CCDC6: variants seen among roughly 807,000 people sequenced by gnomAD.
CCDC6 encodes the protein coiled-coil domain containing 6.
In CCDC6, 20 loss-of-function variants were observed where a neutral mutation model predicts 56.6. The observed-to-expected ratio is 0.35, with a 90% CI of 0.25 to 0.51. CCDC6 has a LOEUF of 0.51. Among genes scored for constraint, CCDC6 ranks in the 20% least tolerant of loss-of-function variants. CCDC6 has a pLI of 0.95. For synonymous variants in CCDC6, 241 were observed against 234.4 expected (o/e 1.03, Z -0.26); for missense variants, 367 against 601.1 (o/e 0.61, Z 4.07).
chr10:59,886,168 C>G (rs1226711629), intron 1 of CCDC6, among the ~76,000 whole-genome samples: 3 of 152,140 alleles, frequency 2.0e-5, no homozygotes, highest in Non-Finnish European at 4.4e-5. Context: ...ATGGAAAATA[C>G]TGCAGAGTAA....
intron 1 of CCDC6, among the ~76,000 whole-genome samples, chr10:59,864,380 C>T (rs1244398297): frequency 6.6e-6 from 1 of 152,158 alleles, no homozygotes; most frequent in African/African-American, 2.4e-5. Context: ...ATCATGCCCG[C>T]AAATCAGCAA....
intron 1 of CCDC6, among the ~76,000 whole-genome samples, chr10:59,880,944 C>T (rs996017155): frequency 1.3e-5 from 2 of 152,152 alleles, no homozygotes; most frequent in African/African-American, 4.8e-5. Flanking sequence ...CAGGAAGGAA[C>T]GATCAGTTCT....
At chr10:59,876,209 C>T (rs1332975143) in intron 1 of CCDC6, among the ~76,000 whole-genome samples, 4 of 151,464 alleles carry the variant, frequency 2.6e-5, no homozygotes, top group South Asian at 2.1e-4. Context: ...CTACCATGCC[C>T]GGCTAGTTTT....
intron 1 of CCDC6, among the ~76,000 whole-genome samples, chr10:59,861,657 G>A (rs1237122489): frequency 6.6e-6 from 1 of 152,094 alleles, no homozygotes; most frequent in African/African-American, 2.4e-5. Flanking sequence ...GAAATGACAG[G>A]AATTAAAAAA....
At chr10:59,855,170 A>G (rs2071071523) in intron 1 of CCDC6, among the ~76,000 whole-genome samples, 1 of 152,238 alleles carries the variant, frequency 6.6e-6, no homozygotes, top group African/African-American at 2.4e-5. Context: ...ATCAACCTTA[A>G]GAGTTTATTT....
chr10:59,810,379 A>G (rs540277540), intron 5 of CCDC6, among the ~76,000 whole-genome samples: 1 of 152,338 alleles, frequency 6.6e-6, no homozygotes, highest in Admixed American at 6.5e-5. Flanking sequence ...CTCTGTTAGT[A>G]TCTGCAGTCT....
intron 1 of CCDC6, among the ~76,000 whole-genome samples, chr10:59,883,566 A>T (rs2071362067): frequency 6.6e-6 from 1 of 152,240 alleles, no homozygotes; most frequent in South Asian, 2.1e-4. Context: ...GCACAGGCTG[A>T]TGACAGGGAA....
intron 1 of CCDC6, among the ~76,000 whole-genome samples, chr10:59,866,428 C>T (rs749684194): frequency 5.3e-5 from 8 of 152,184 alleles, no homozygotes; most frequent in Non-Finnish European, 8.8e-5. Context: ...AGCATCCAAA[C>T]ACCTGCTGAA....
intron 1 of CCDC6, among the ~76,000 whole-genome samples, chr10:59,877,535 C>T (rs1160624921): frequency 6.6e-6 from 1 of 152,146 alleles, no homozygotes; most frequent in Non-Finnish European, 1.5e-5. Context: ...TGGAAACCCG[C>T]ACCAGGTCAT....
intron 5 of CCDC6, among the ~76,000 whole-genome samples, chr10:59,808,441 T>C (rs993914189): frequency 1.3e-5 from 2 of 152,252 alleles, no homozygotes; most frequent in African/African-American, 4.8e-5. Flanking sequence ...CATTCCTTTC[T>C]GGTTTATCTC....
At position 59,803,318 on chromosome 10, in the gene CCDC6, TA is replaced by T. The variant is rs879719647; in HGVS notation, c.1105+1101del. Among the ~76,000 whole-genome samples the T allele has an allele frequency of 3.2e-3, 465 of 144,342 alleles. 1 individual carries two copies. Among genetic ancestry groups the T allele is most frequent in the Admixed American group, 3.2e-3 (46 of 14,402 alleles). 94.7% of individuals were successfully genotyped at this position (144,342 alleles called of 152,430 possible). ...ACTTTAACTTTTGATTGCCTCCTCT[TA>T]AAAAAAAAAAAAGTTAATGGCAGCA... On this transcript the variant is annotated intron_variant, in intron 7 of 8. Coordinates refer to ENST00000263102, the MANE Select transcript of CCDC6 (RefSeq NM_005436.5).
intron 3 of CCDC6, among the ~76,000 whole-genome samples, chr10:59,817,114 T>C (rs999811091): frequency 1.3e-5 from 2 of 152,230 alleles, no homozygotes; most frequent in Admixed American, 1.3e-4. Flanking sequence ...ATATGACTCC[T>C]ATTAAACCTT....
At chr10:59,863,935 G>A (rs934791797) in intron 1 of CCDC6, among the ~76,000 whole-genome samples, 4 of 152,044 alleles carry the variant, frequency 2.6e-5, no homozygotes, top group African/African-American at 9.7e-5. Context: ...CTAGCCCATC[G>A]TTCAAATATC....
rs1468491623 is a variant in CCDC6 at position 59,794,457 on chromosome 10, C to T, written c.1230+16G>A. The T allele has an allele frequency of 1.2e-6, 2 of 1,613,546 alleles. No homozygotes were observed. The highest frequency in any genetic ancestry group is 1.3e-5 in the African/African-American group (1 of 75,040). On this transcript the variant is annotated intron_variant, in intron 8 of 8. Coordinates refer to ENST00000263102, the MANE Select transcript of CCDC6 (RefSeq NM_005436.5). Reference sequence around the variant, plus strand: ...TTCAGGAGTAAAGTGCTGCTTCCTACCCCACGGACACTTACTGTGATACCA... The same window carrying T: ...TTCAGGAGTAAAGTGCTGCTTCCTATCCCACGGACACTTACTGTGATACCA...
Position 59,792,942 on chromosome 10 carries a change from G to A in CCDC6, c.1400C>T (p.Ser467Leu), listed in dbSNP as rs776658516. The change falls in exon 9 of 9, where the codon TCG (serine) becomes TTG (leucine). Residue 467 changes from serine (S) to leucine (L), a missense_variant. Physicochemically the swap from Ser to Leu is moderately radical, Grantham distance 145. Transcript: ENST00000263102. The stretch of plus-strand genomic sequence containing the variant: ...TTAAGGCTGGGAGGAGGGGTGCGCC[G>A]AATGTTGCGAAGGAGTAGGCTGCGA... ...ATSQPTPSQHSAHPSSQP is the reference protein window; with the variant it reads ...ATSQPTPSQHLAHPSSQP The A allele has an allele frequency of 2.4e-5, 38 of 1,610,442 alleles. No homozygotes were observed. Among genetic ancestry groups the A allele is most frequent in the Middle Eastern group, 1.7e-4 (1 of 6,046 alleles).
intron 4 of CCDC6, among the ~76,000 whole-genome samples, chr10:59,813,064 TAACAACAGGA>T (rs1451150991): frequency 6.6e-6 from 1 of 152,256 alleles, no homozygotes; most frequent in Non-Finnish European, 1.5e-5. Context: ...AGTCTTTATT[TAACAACAGGA>T]TCTGATAATT....
rs112186583 is a variant in CCDC6, at chr10:59,881,687, T to C, written c.303+24435A>G. Among the ~76,000 whole-genome samples the C allele has an allele frequency of 7.2e-5, 11 of 152,320 alleles. No homozygotes were observed. The East Asian group carries it at 1.3e-3, about 19-fold the overall frequency. ...CACACATGCTGATCAACAGGTAGTATGCATTTTGAAAACTTCGCTGAACAT... is the reference window on the plus strand; with the variant it reads ...CACACATGCTGATCAACAGGTAGTACGCATTTTGAAAACTTCGCTGAACAT... On this transcript the variant is annotated intron_variant, in intron 1 of 8. Coordinates refer to ENST00000263102, the MANE Select transcript of CCDC6 (RefSeq NM_005436.5).
chr10:59,820,851 CTAGATTT>C (rs1204587041), intron 3 of CCDC6, among the ~76,000 whole-genome samples: 2 of 150,256 alleles, frequency 1.3e-5, no homozygotes, highest in South Asian at 2.1e-4. Context: ...CTAAAGTTGG[CTAGATTT>C]TTTTTTTTTT....
chr10:59,895,802 G>A (rs114889144), intron 1 of CCDC6, among the ~76,000 whole-genome samples: 1,986 of 152,274 alleles, frequency 0.013, 51 homozygotes, highest in African/African-American at 0.043. Flanking sequence ...ACCTGAGGGC[G>A]TTGGATCACA....
Sources: allele counts gnomAD v4.1 joint callset (sites outside exome capture counted in the v4.1 genomes callset), GRCh38; gene constraint gnomAD v4.1.1; transcripts MANE v1.5; gene names NCBI Gene and HGNC (gene_info 2026-07-23, HGNC 2026-07-21).